Variants in SMARCC1 observed in about 807,000 individuals in gnomAD.
SMARCC1 encodes SWI/SNF related BAF chromatin remodeling complex subunit C1.
In SMARCC1, 43 loss-of-function variants were observed where a neutral mutation model predicts 147.4. The observed-to-expected ratio is 0.29, with a 90% CI of 0.23 to 0.38. SMARCC1 has a LOEUF of 0.38. Ranked by LOEUF, SMARCC1 falls within the 10% of genes least tolerant of loss-of-function variation. The pLI, the probability that SMARCC1 is intolerant of heterozygous loss-of-function variation, is 1.00. For missense variants in SMARCC1, 1,119 were observed against 1,381.1 expected, an observed-to-expected ratio of 0.81 and a Z score of 3.01; for synonymous variants, 495 against 484.4, an observed-to-expected ratio of 1.02 and a Z score of -0.29.
At position 47,672,423 on chromosome 3, in the gene SMARCC1, G is replaced by T. The variant is rs559251947; in HGVS notation, c.1840-1706C>A. Among the ~76,000 whole-genome samples, 10 of 152,122 alleles carry T rather than the reference G, an allele frequency of 6.6e-5. No homozygotes were observed. The South Asian group carries it at 1.9e-3, about 28-fold the overall frequency. On this transcript the variant is annotated intron_variant, in intron 18 of 27. Transcript: ENST00000254480. ...GGGTTTCACCGTGTTAGCCAGGATG[G>T]TCTCGATCTCCTGACCTCGTGATCC...
intron 15 of SMARCC1, among the ~76,000 whole-genome samples, chr3:47,679,212 CAAA>C (rs577481119): frequency 5.4e-5 from 5 of 93,454 alleles, no homozygotes; most frequent in Admixed American, 1.0e-4. Context: ...GACTTTGTCT[CAAA>C]AAAAAAAAAA....
intron 19 of SMARCC1, among the ~76,000 whole-genome samples, chr3:47,666,322 C>A (rs11130146): frequency 0.6 from 90,497 of 152,026 alleles, 28,194 homozygotes; most frequent in East Asian, 0.72. Flanking sequence ...AGCTCTTGTG[C>A]TCTGGACATA....
intron 7 of SMARCC1, among the ~76,000 whole-genome samples, chr3:47,715,339 G>A (rs1414709465): frequency 6.6e-6 from 1 of 152,070 alleles, no homozygotes; most frequent in Middle Eastern, 3.2e-3. Flanking sequence ...CCTGGCCCCA[G>A]CGATGTACTC....
At position 47,587,542 on chromosome 3, in the gene SMARCC1, G is replaced by A. The variant is rs1019070889; in HGVS notation, c.*667C>T. 3.3e-5 allele frequency: 5 copies of A among 152,908 alleles called. No homozygotes were observed. The East Asian group carries it at 5.8e-4, about 18-fold the overall frequency. 9.5% of individuals were successfully genotyped at this position (152,908 alleles called of 1,614,324 possible). On this transcript the variant is annotated 3_prime_UTR_variant, in exon 28 of 28. Transcript: ENST00000254480. ...GTTCAGTGGTATGTTCTGCCAGGCA[G>A]TGTGGAGGCCCTCAGAGGCCTCACT...
rs1293033245 is a variant in SMARCC1, at chr3:47,729,008, AC to A, written c.646+16del. On this transcript the variant is annotated intron_variant, in intron 6 of 27. Transcript: ENST00000254480. ...TGATGTATGAGCTCATCTGTTCACAACGCAAAACTAACTTACCATCGTCTTG... is the reference window on the plus strand; with the variant it reads ...TGATGTATGAGCTCATCTGTTCACAAGCAAAACTAACTTACCATCGTCTTG... The A allele has an allele frequency of 6.3e-7, 1 of 1,583,412 alleles. No individual in the cohort carries two copies. Among genetic ancestry groups the A allele is most frequent in the East Asian group, 2.2e-5 (1 of 44,632 alleles).
At chr3:47,747,468 T>TATAAATATAAATATAAAC (rs2034577924) in intron 2 of SMARCC1, among the ~76,000 whole-genome samples, 1 of 146,338 alleles carries the variant, frequency 6.8e-6, no homozygotes, top group Non-Finnish European at 1.5e-5. Context: ...TAAATATAAA[T>TATAAATATAAATATAAAC]ATAAATATAA....
chr3:47,770,515 C>T (rs1232530946), intron 2 of SMARCC1, among the ~76,000 whole-genome samples: 1 of 151,882 alleles, frequency 6.6e-6, no homozygotes, highest in African/African-American at 2.4e-5. Flanking sequence ...CCCAGCTACT[C>T]GGGAGGCTGA....
At chr3:47,674,421 CAGAT>C (rs1305613193) in intron 18 of SMARCC1, among the ~76,000 whole-genome samples, 5 of 152,120 alleles carry the variant, frequency 3.3e-5, no homozygotes, top group African/African-American at 1.2e-4. Context: ...TAGAGAATTC[CAGAT>C]AGATAGTTTT....
chr3:47,758,894 G>A (rs747464545), intron 2 of SMARCC1, among the ~76,000 whole-genome samples: 1 of 151,896 alleles, frequency 6.6e-6, no homozygotes, highest in Admixed American at 6.6e-5. Flanking sequence ...GTGCATGCCT[G>A]TAATCCCAGC....
At chr3:47,708,098 T>TTTTTTTTC (rs2034036790) in intron 9 of SMARCC1, among the ~76,000 whole-genome samples, 1 of 114,558 alleles carries the variant, frequency 8.7e-6, no homozygotes. Context: ...TTTTTTTTTT[T>TTTTTTTTC]TTTTTTTTTT....
intron 12 of SMARCC1, among the ~76,000 whole-genome samples, chr3:47,692,819 G>A (rs191890224): frequency 9.7e-4 from 147 of 152,146 alleles, no homozygotes; most frequent in African/African-American, 3.3e-3. Context: ...TCAGGAGTTC[G>A]AGACAGGCCT....
rs1489130064 is a variant in SMARCC1 at position 47,635,229 on chromosome 3, G to A, written c.2607C>T (p.Ala869=). The A allele has an allele frequency of 2.4e-5, 39 of 1,613,730 alleles. No homozygotes were observed. The highest frequency in any genetic ancestry group is 4.5e-5 in the East Asian group (2 of 44,888). ...CCGCTGAGGCAAGAGCAGCTGCTGC[G>A]GCTGTGGCAACATTTCCTTCGGAAA... ...HEISEGNVAT[A]AAAALASAAT... is the part of the protein sequence containing the mutation. Residue 869 remains alanine, a synonymous_variant, in exon 24 of 28, where the codon GCC becomes GCT. Transcript: ENST00000254480.
At chr3:47,671,196 A>AAACAAAAC (rs1553682000) in intron 18 of SMARCC1, among the ~76,000 whole-genome samples, 1 of 81,144 alleles carries the variant, frequency 1.2e-5, no homozygotes, top group South Asian at 5.0e-4. Flanking sequence ...AAAAAAAAAA[A>AAACAAAAC]AACACACACA....
intron 2 of SMARCC1, among the ~76,000 whole-genome samples, chr3:47,759,852 G>A (rs1384051174): frequency 1.3e-5 from 2 of 151,776 alleles, no homozygotes; most frequent in Admixed American, 6.6e-5. Context: ...CAGGAGAATC[G>A]CTTGAACTCG....
intron 26 of SMARCC1, among the ~76,000 whole-genome samples, chr3:47,594,384 G>A (rs2032235332): frequency 6.6e-6 from 1 of 152,200 alleles, no homozygotes; most frequent in Non-Finnish European, 1.5e-5. Context: ...AAAATCAAGA[G>A]CAGCTGCTGG....
intron 26 of SMARCC1, among the ~76,000 whole-genome samples, chr3:47,591,795 T>G (rs1394154191): frequency 1.3e-5 from 2 of 152,180 alleles, no homozygotes; most frequent in African/African-American, 2.4e-5. Flanking sequence ...TAAGACTGCC[T>G]CAGCCTCCCA....
intron 9 of SMARCC1, among the ~76,000 whole-genome samples, chr3:47,709,708 A>T (rs929302211): frequency 5.9e-5 from 9 of 151,942 alleles, no homozygotes; most frequent in South Asian, 2.1e-4. Context: ...AATAAATAAA[A>T]AATAAAAGTA....
intron 25 of SMARCC1, among the ~76,000 whole-genome samples, chr3:47,612,896 G>A (rs1304936424): frequency 6.6e-6 from 1 of 152,214 alleles, no homozygotes; most frequent in Non-Finnish European, 1.5e-5. Context: ...CTCCATAAGG[G>A]CCATCTCTGT....
intron 24 of SMARCC1, among the ~76,000 whole-genome samples, chr3:47,631,856 C>G (rs1385579735): frequency 6.6e-6 from 1 of 151,984 alleles, no homozygotes; most frequent in African/African-American, 2.4e-5. Flanking sequence ...AATTCCTTAC[C>G]CCCCTAATTA....
Sources: gnomAD v4.1 joint callset for allele counts (sites outside exome capture counted in the v4.1 genomes callset) on GRCh38, gnomAD v4.1.1 for gene constraint, MANE v1.5 for transcripts, NCBI Gene and HGNC (gene_info 2026-07-23, HGNC 2026-07-21) for gene names.